Variants in SGCZ observed in about 807,000 individuals in gnomAD.
SGCZ encodes sarcoglycan zeta.
SGCZ carries 40 observed loss-of-function variants against 41.3 expected under a neutral mutation model. The observed-to-expected ratio is 0.97, with a 90% CI of 0.75 to 1.26. The LOEUF is 1.26. Among genes scored for constraint, SGCZ ranks in the 50% most tolerant of loss-of-function variants. SGCZ has a pLI of 0.00. For synonymous variants in SGCZ, 206 were observed against 137.5 expected (o/e 1.50, Z -3.49); for missense variants, 552 against 369.8 (o/e 1.49, Z -4.04).
At chr8:14,401,368 T>A (rs1346154370) in intron 2 of SGCZ, among the ~76,000 whole-genome samples, 2 of 151,494 alleles carry the variant, frequency 1.3e-5, no homozygotes, top group East Asian at 3.9e-4. Context: ...ACATGTGCCA[T>A]GCTGGTGTGC....
At chr8:14,159,507 G>A (rs1455774068) in intron 5 of SGCZ, among the ~76,000 whole-genome samples, 3 of 152,150 alleles carry the variant, frequency 2.0e-5, no homozygotes, top group Non-Finnish European at 2.9e-5. Flanking sequence ...GACTTAAGGG[G>A]AAGGTGGGGT....
chr8:14,950,780 T>C (rs913916507), intron 1 of SGCZ, among the ~76,000 whole-genome samples: 3 of 151,980 alleles, frequency 2.0e-5, no homozygotes, highest in African/African-American at 7.2e-5. Context: ...TCTAAAAAAA[T>C]TTAAATTTAA....
In SGCZ at chr8:14,855,239, G is replaced by A. The variant is rs183225865; in HGVS notation, c.40-300313C>T. 4.3e-3 allele frequency among the ~76,000 whole-genome samples: 653 copies of A among 151,908 alleles called. 3 individuals carry two copies. The highest frequency in any genetic ancestry group is 0.018 in the South Asian group (88 of 4,806). On this transcript the variant is annotated intron_variant, in intron 1 of 7. Transcript: ENST00000382080. ...TAACTTTCGTATTTTTAGTTGAGAC[G>A]GAATTTCACCATGTTGGCCAGGCTG...
chr8:14,749,885 G>C (rs1799448588), intron 1 of SGCZ, among the ~76,000 whole-genome samples: 1 of 152,056 alleles, frequency 6.6e-6, no homozygotes, highest in East Asian at 1.9e-4. Context: ...TTTAAACCCA[G>C]AATGTCAAAC....
chr8:14,878,421 G>T (rs1336125982), intron 1 of SGCZ, among the ~76,000 whole-genome samples: 1 of 152,040 alleles, frequency 6.6e-6, no homozygotes, highest in African/African-American at 2.4e-5. Context: ...GGGAAAAAAA[G>T]GAAAGCACAT....
intron 2 of SGCZ, among the ~76,000 whole-genome samples, chr8:14,477,529 A>T (rs1801395538): frequency 6.6e-6 from 1 of 152,170 alleles, no homozygotes; most frequent in African/African-American, 2.4e-5. Context: ...ATACCTCCTC[A>T]AAGTAGCCTT....
intron 1 of SGCZ, among the ~76,000 whole-genome samples, chr8:14,880,512 A>G (rs62493333): frequency 0.26 from 38,833 of 152,088 alleles, 6,085 homozygotes; most frequent in East Asian, 0.42. Flanking sequence ...ACGTATGTTT[A>G]CTGCGGCACT....
chr8:14,843,148 G>T lies in SGCZ; in HGVS notation c.40-288222C>A, dbSNP rs536351743. On this transcript the variant is annotated intron_variant, in intron 1 of 7. Transcript: ENST00000382080. ...AATTGCTTGAACCCAGGAGGTGGAG[G>T]TTGCAGTGAGCTGAGATTGCACCAC... is the stretch of plus-strand genomic sequence containing the variant. Among the ~76,000 whole-genome samples the T allele has an allele frequency of 9.2e-5, 14 of 152,244 alleles. No individual in the cohort carries two copies. The East Asian group carries it at 1.9e-3, about 21-fold the overall frequency.
intron 2 of SGCZ, among the ~76,000 whole-genome samples, chr8:14,527,030 T>A (rs1466870190): frequency 1.3e-5 from 2 of 151,556 alleles, no homozygotes; most frequent in Non-Finnish European, 2.9e-5. Flanking sequence ...TTCTGAGACA[T>A]CTCGTCAATG....
At chr8:14,219,715 C>G (rs1237658519) in intron 4 of SGCZ, among the ~76,000 whole-genome samples, 1 of 151,672 alleles carries the variant, frequency 6.6e-6, no homozygotes, top group Non-Finnish European at 1.5e-5. Context: ...CCACTGCACT[C>G]CAGCCTGGCG....
chr8:14,495,365 C>T (rs1029114077), intron 2 of SGCZ, among the ~76,000 whole-genome samples: 1 of 152,122 alleles, frequency 6.6e-6, no homozygotes, highest in African/African-American at 2.4e-5. Context: ...AATAAATTAG[C>T]ATGCTTATTG....
intron 2 of SGCZ, among the ~76,000 whole-genome samples, chr8:14,357,807 A>C (rs140274053): frequency 6.6e-6 from 1 of 152,208 alleles, no homozygotes; most frequent in Non-Finnish European, 1.5e-5. Flanking sequence ...GAGGTCATGC[A>C]GTATAAAGTA....
chr8:14,616,928 T>C (rs910849704), intron 1 of SGCZ, among the ~76,000 whole-genome samples: 3 of 152,156 alleles, frequency 2.0e-5, no homozygotes, highest in African/African-American at 7.2e-5. Flanking sequence ...TTTAGGTTGT[T>C]CTCTGCTATT....
At chr8:14,164,801 T>C (rs1439849479) in intron 4 of SGCZ, 99 bp from the exon 5 acceptor site, 3 of 1,377,504 alleles carry the variant, frequency 2.2e-6, no homozygotes, top group African/African-American at 2.9e-5. Flanking sequence ...ATTATTTAAT[T>C]TGTTTATCTC....
intron 3 of SGCZ, among the ~76,000 whole-genome samples, chr8:14,305,183 C>T (rs1585341657): frequency 6.6e-6 from 1 of 152,086 alleles, no homozygotes; most frequent in African/African-American, 2.4e-5. Context: ...CTTTATAGGG[C>T]AATCAATGTA....
intron 1 of SGCZ, among the ~76,000 whole-genome samples, chr8:15,173,064 T>A (rs368852356): frequency 6.6e-6 from 1 of 152,214 alleles, no homozygotes; most frequent in East Asian, 1.9e-4. Context: ...TTTTAAATTC[T>A]CACTGTAGTC....
intron 1 of SGCZ, among the ~76,000 whole-genome samples, chr8:15,098,237 G>A (rs898413828): frequency 1.3e-5 from 2 of 152,020 alleles, no homozygotes; most frequent in Non-Finnish European, 2.9e-5. Context: ...AAGAAAAAAT[G>A]AGAAAGGAAA....
chr8:14,222,274 A>C (rs960010857), intron 4 of SGCZ, among the ~76,000 whole-genome samples: 5 of 151,774 alleles, frequency 3.3e-5, no homozygotes, highest in African/African-American at 1.2e-4. Flanking sequence ...GGGTTCAAGC[A>C]ATTATCTGCC....
chr8:14,711,872 T>C (rs996241505), intron 1 of SGCZ, among the ~76,000 whole-genome samples: 1 of 152,204 alleles, frequency 6.6e-6, no homozygotes, highest in African/African-American at 2.4e-5. Context: ...TTTCGCTTAA[T>C]TGAAAGCCAA....
Sources: allele counts gnomAD v4.1 joint callset (sites outside exome capture counted in the v4.1 genomes callset), GRCh38; gene constraint gnomAD v4.1.1; transcripts MANE v1.5; gene names NCBI Gene and HGNC (gene_info 2026-07-23, HGNC 2026-07-21).